PHLPP1: variants seen among roughly 807,000 people sequenced by gnomAD.
PHLPP1 encodes the protein PH domain leucine-rich repeat-containing protein phosphatase 1.
PHLPP1 carries 42 observed loss-of-function variants against 117.2 expected under a neutral mutation model. The ratio of observed to expected loss-of-function variants is 0.36; its 90% CI spans 0.28 to 0.46. PHLPP1 has a LOEUF of 0.46. Ranked by LOEUF, PHLPP1 falls within the 20% of genes least tolerant of loss-of-function variation. The pLI, the probability that PHLPP1 is intolerant of heterozygous loss-of-function variation, is 1.00. For synonymous variants in PHLPP1, 1,042 were observed against 970.7 expected (o/e 1.07, Z -1.37); for missense variants, 2,084 against 2,241.9 (o/e 0.93, Z 1.42).
At chr18:62,867,840 C>T (rs1295300253) in intron 4 of PHLPP1, among the ~76,000 whole-genome samples, 1 of 151,670 alleles carries the variant, frequency 6.6e-6, no homozygotes, top group African/African-American at 2.4e-5. Context: ...TAGATGGAGT[C>T]TGGCTCTGTT....
At chr18:62,877,094 A>C (rs1916066306) in intron 4 of PHLPP1, among the ~76,000 whole-genome samples, 1 of 150,496 alleles carries the variant, frequency 6.6e-6, no homozygotes, top group Non-Finnish European at 1.5e-5. Flanking sequence ...CTTCTTAGAA[A>C]GCTCAAATTT....
chr18:62,794,810 T>C (rs955747370), intron 1 of PHLPP1, among the ~76,000 whole-genome samples: 4 of 152,224 alleles, frequency 2.6e-5, no homozygotes, highest in Admixed American at 2.0e-4. Context: ...GCCCTTGTTA[T>C]GTAAATGCTC....
In PHLPP1 at chr18:62,941,293, C is replaced by T. The variant is rs144582534; in HGVS notation, c.2961-425C>T. Among the ~76,000 whole-genome samples, 35 of 152,226 alleles carry T rather than the reference C, an allele frequency of 2.3e-4. 1 individual carries two copies. In the East Asian group the frequency reaches 6.0e-3, roughly 26 times the overall value. ...TTTATTCACCTAATTTTTATAGAGG[C>T]AGGATCTTGCTTTGTTGCCCAGGCT... On this transcript the variant is annotated intron_variant, in intron 10 of 16. Coordinates refer to ENST00000262719, the MANE Select transcript of PHLPP1 (RefSeq NM_194449.4).
At chr18:62,719,426 TGA>T (rs1910851508) in intron 1 of PHLPP1, among the ~76,000 whole-genome samples, 1 of 152,186 alleles carries the variant, frequency 6.6e-6, no homozygotes, top group African/African-American at 2.4e-5. Context: ...GTTCAGTTAT[TGA>T]TGAACAAAAG....
Position 62,895,296 on chromosome 18 carries a change from G to A in PHLPP1, c.2213+139G>A, listed in dbSNP as rs1191982818. ...CCCAAATCAAGAGATCAGGGACTAT[G>A]TAGTCCGTATGGAGTTCATATGTTG... On this transcript the variant is annotated intron_variant, in intron 5 of 16. Transcript: ENST00000262719. The A allele has an allele frequency of 4.1e-5, 32 of 783,280 alleles. No individual in the cohort carries two copies. The South Asian group carries it at 5.4e-4, about 13-fold the overall frequency. The allele number at this position is 783,280 out of a possible 1,614,324, so 48.5% of individuals were successfully genotyped here. A position where few individuals can be genotyped will look rare whatever the true frequency, so the allele number is the denominator to read the frequency against.
intron 1 of PHLPP1, among the ~76,000 whole-genome samples, chr18:62,785,438 G>A (rs1913252451): frequency 6.6e-6 from 1 of 152,166 alleles, no homozygotes; most frequent in South Asian, 2.1e-4. Context: ...AGAGAAATAA[G>A]GCTGGTTTCT....
intron 1 of PHLPP1, among the ~76,000 whole-genome samples, chr18:62,726,879 C>T (rs1015586995): frequency 6.6e-6 from 1 of 151,602 alleles, no homozygotes; most frequent in East Asian, 1.9e-4. Flanking sequence ...CCACCATGCC[C>T]GGCCAGTATT....
At chr18:62,734,110 T>G (rs1911300727) in intron 1 of PHLPP1, among the ~76,000 whole-genome samples, 1 of 152,162 alleles carries the variant, frequency 6.6e-6, no homozygotes, top group Admixed American at 6.5e-5. Flanking sequence ...CTGAGGGACA[T>G]TCTTGTATTT....
At chr18:62,889,447 T>C (rs987162088) in intron 4 of PHLPP1, 1 of 152,210 alleles carries the variant, frequency 6.6e-6, no homozygotes, top group African/African-American at 2.4e-5. Context: ...AATATAAAAT[T>C]AATGTCCTGG....
chr18:62,912,316 T>TAA (rs71340131), intron 8 of PHLPP1, among the ~76,000 whole-genome samples: 21 of 140,326 alleles, frequency 1.5e-4, no homozygotes, highest in African/African-American at 3.7e-4. Flanking sequence ...AAAAAAAAAT[T>TAA]AAAAAAAAAA....
intron 1 of PHLPP1, among the ~76,000 whole-genome samples, chr18:62,737,193 A>G (rs1050856199): frequency 3.9e-5 from 6 of 152,220 alleles, no homozygotes; most frequent in Non-Finnish European, 8.8e-5. Context: ...ATGAGAGACT[A>G]GCATTGCATG....
At chr18:62,915,132 C>G in intron 9 of PHLPP1, 124 bp downstream of exon 9, 1 of 659,236 alleles carries the variant, frequency 1.5e-6, no homozygotes, top group East Asian at 2.8e-5. Flanking sequence ...AATATGGTGT[C>G]TTTTACCCCA....
chr18:62,887,787 G>T (rs540412826), intron 4 of PHLPP1, among the ~76,000 whole-genome samples: 1 of 151,774 alleles, frequency 6.6e-6, no homozygotes, highest in South Asian at 2.1e-4. Context: ...GCCTAGGCTG[G>T]CGTGCTGTGG....
intron 1 of PHLPP1, among the ~76,000 whole-genome samples, chr18:62,790,251 C>T (rs1388735184): frequency 3.3e-5 from 5 of 152,066 alleles, no homozygotes; most frequent in Admixed American, 6.6e-5. Context: ...TCTAAGCAGC[C>T]CAAACAGACA....
At chr18:62,771,497 A>G (rs1275098493) in intron 1 of PHLPP1, among the ~76,000 whole-genome samples, 2 of 152,198 alleles carry the variant, frequency 1.3e-5, no homozygotes, top group South Asian at 2.1e-4. Context: ...CCAATGAACA[A>G]TGGCAGGTTT....
intron 5 of PHLPP1, among the ~76,000 whole-genome samples, 161 bp downstream of exon 5, chr18:62,895,318 G>T (rs1916529891): frequency 6.6e-6 from 1 of 152,328 alleles, no homozygotes; most frequent in East Asian, 1.9e-4. Flanking sequence ...GAGTTCATAT[G>T]TTGGATTTGT....
chr18:62,928,446 T>G (rs1909710512), intron 10 of PHLPP1, among the ~76,000 whole-genome samples: 1 of 152,104 alleles, frequency 6.6e-6, no homozygotes, highest in South Asian at 2.1e-4. Context: ...TGGGGAAATG[T>G]AAACAAAAAC....
At chr18:62,818,803 GTTA>G (rs1035516027) in intron 1 of PHLPP1, among the ~76,000 whole-genome samples, 10 of 152,166 alleles carry the variant, frequency 6.6e-5, no homozygotes, top group Admixed American at 3.9e-4. Flanking sequence ...CAAGGGGGAG[GTTA>G]TAACCACTGG....
intron 4 of PHLPP1, among the ~76,000 whole-genome samples, chr18:62,876,464 A>G (rs1568146982): frequency 6.6e-6 from 1 of 152,110 alleles, no homozygotes; most frequent in Non-Finnish European, 1.5e-5. Context: ...CTTTTTAAAT[A>G]TTTTTTGTAC....
Sources: gnomAD v4.1 joint callset for allele counts (sites outside exome capture counted in the v4.1 genomes callset) on GRCh38, gnomAD v4.1.1 for gene constraint, MANE v1.5 for transcripts, NCBI Gene and HGNC (gene_info 2026-07-23, HGNC 2026-07-21) for gene names.